Variants in NEXN observed in about 807,000 individuals in gnomAD.
The protein encoded by NEXN is nexilin.
In NEXN, 65 loss-of-function variants were observed where a neutral mutation model predicts 92.6. The observed-to-expected ratio is 0.70, with a 90% CI of 0.57 to 0.86. NEXN has a LOEUF of 0.86. Among genes scored for constraint, NEXN ranks in the 40% least tolerant of loss-of-function variants. The pLI is 0.00. For synonymous variants in NEXN, 254 were observed against 242.5 expected (o/e 1.05, Z -0.44); for missense variants, 778 against 771.1 (o/e 1.01, Z -0.11).
At chr1:77,907,438 G>A (rs1284226380) in intron 1 of NEXN, among the ~76,000 whole-genome samples, 2 of 152,122 alleles carry the variant, frequency 1.3e-5, no homozygotes, top group African/African-American at 2.4e-5. Context: ...TGCACCTTAA[G>A]TGCAATTCCA....
intron 1 of NEXN, among the ~76,000 whole-genome samples, chr1:77,911,739 T>TTATATA (rs34038877): frequency 5.4e-5 from 8 of 148,442 alleles, no homozygotes; most frequent in African/African-American, 1.7e-4. Flanking sequence ...ATAGCCTGTT[T>TTATATA]TATATATATA....
chr1:77,942,651 T>C lies in NEXN; in HGVS notation c.1850T>C (p.Phe617Ser), dbSNP rs1445213406. Residue 617 changes from phenylalanine to serine, a missense_variant, in exon 13 of 13, where the codon TTT becomes TCT. This residue lies in a region of NEXN where 532 missense variants were observed against 476.7 expected (regional missense o/e 1.12). Coordinates refer to ENST00000334785, the MANE Select transcript of NEXN (RefSeq NM_144573.4). Reference protein sequence around the residue: ...GEPKPEITWWFEGEILQDGED... With the variant: ...GEPKPEITWWSEGEILQDGED... Reference sequence around the variant, plus strand: ...CCCAAACCAGAAATTACATGGTGGTTTGAAGGAGAAATACTGCAGGATGGA... The same window carrying C: ...CCCAAACCAGAAATTACATGGTGGTCTGAAGGAGAAATACTGCAGGATGGA... The C allele has an allele frequency of 2.5e-6, 4 of 1,613,758 alleles. No homozygotes were observed. The highest frequency in any genetic ancestry group is 1.3e-5 in the African/African-American group (1 of 74,998).
At chr1:77,921,608 CTAA>C (rs1041534082) in intron 5 of NEXN, among the ~76,000 whole-genome samples, 3 of 152,064 alleles carry the variant, frequency 2.0e-5, no homozygotes, top group Non-Finnish European at 4.4e-5. Flanking sequence ...CCATGCTTGG[CTAA>C]TTTTTTAAAA....
chr1:77,897,497 A>G (rs1208250111), intron 1 of NEXN, among the ~76,000 whole-genome samples: 1 of 152,244 alleles, frequency 6.6e-6, no homozygotes, highest in East Asian at 1.9e-4. Flanking sequence ...TTAGGTATTG[A>G]TGGGATGTAT....
chr1:77,917,456 AT>A lies in NEXN; in HGVS notation c.28-106del, dbSNP rs527395155. 179 of 838,404 alleles carry A rather than the reference AT, an allele frequency of 2.1e-4. No homozygotes were observed. In the African/African-American group the frequency reaches 2.6e-3, roughly 12 times the overall value. The allele number at this position is 838,404 out of a possible 1,614,324, so 51.9% of individuals were successfully genotyped here. A position where few individuals can be genotyped will look rare whatever the true frequency, so the allele number is the denominator to read the frequency against. On this transcript the variant is annotated intron_variant, in intron 2 of 12. Transcript: ENST00000334785. ...AAATAAAGGGTTCAAACACATTTCT[AT>A]TTTCTGTTTCAATAAATATTTTTTA...
chr1:77,919,863 G>A (rs561602271), intron 5 of NEXN, among the ~76,000 whole-genome samples: 2 of 150,880 alleles, frequency 1.3e-5, no homozygotes, highest in East Asian at 3.9e-4. Flanking sequence ...GCATCCCAAA[G>A]TGCTGGGATT....
chr1:77,923,866 C>T (rs995845189), intron 5 of NEXN, among the ~76,000 whole-genome samples: 2 of 151,534 alleles, frequency 1.3e-5, no homozygotes, highest in African/African-American at 4.8e-5. Context: ...TTAGTAGAGA[C>T]GGGGTTTCAC....
In NEXN at chr1:77,894,113, C is replaced by T. The variant is rs143312084; in HGVS notation, c.-53+5354C>T. On this transcript the variant is annotated intron_variant, in intron 1 of 12. Transcript: ENST00000334785. ...TGCTAGGGTTACAAGCATGCGCCAC[C>T]GCACCTGGCCTTTTTGTATTTTTAG... 1.3e-3 allele frequency among the ~76,000 whole-genome samples: 205 copies of T among 152,062 alleles called. 1 individual carries two copies. The highest frequency in any genetic ancestry group is 2.5e-3 in the Non-Finnish European group (173 of 67,978).
intron 11 of NEXN, among the ~76,000 whole-genome samples, chr1:77,939,371 G>C (rs940821551): frequency 6.6e-6 from 1 of 152,178 alleles, no homozygotes; most frequent in African/African-American, 2.4e-5. Flanking sequence ...GACAGCACTG[G>C]AAAGTACAAG....
chr1:77,940,298 C>T (rs1465802707), intron 11 of NEXN, among the ~76,000 whole-genome samples: 5 of 152,112 alleles, frequency 3.3e-5, no homozygotes, highest in African/African-American at 1.2e-4. Flanking sequence ...AAATACACTG[C>T]CTAACTGCTG....
intron 9 of NEXN, among the ~76,000 whole-genome samples, chr1:77,931,431 A>G (rs1479263899): frequency 1.3e-5 from 2 of 149,480 alleles, no homozygotes; most frequent in East Asian, 3.9e-4. Flanking sequence ...AAAAAAAAAA[A>G]AAAAAAAAAA....
intron 5 of NEXN, among the ~76,000 whole-genome samples, chr1:77,920,488 A>C (rs1382506953): frequency 6.6e-6 from 1 of 151,720 alleles, no homozygotes; most frequent in Non-Finnish European, 1.5e-5. Context: ...GGACATGGTG[A>C]CTCATGCCTG....
Position 77,942,033 on chromosome 1 carries a change from TTGA to T in NEXN, c.1487_1489del (p.Asp496del), listed in dbSNP as rs1309122658. On this transcript the variant is annotated inframe_deletion, in exon 12 of 13. Transcript: ENST00000334785. ...CCCACTTTCTTGCAGGAAGATGATGTTGATGTTAGGCCTGCAAGAAAAAGCGAG... is the reference window on the plus strand; with the variant it reads ...CCCACTTTCTTGCAGGAAGATGATGTTGTTAGGCCTGCAAGAAAAAGCGAG... The T allele has an allele frequency of 6.2e-7, 1 of 1,612,842 alleles. No individual in the cohort carries two copies. The highest frequency in any genetic ancestry group is 8.5e-7 in the Non-Finnish European group (1 of 1,179,228).
intron 5 of NEXN, among the ~76,000 whole-genome samples, chr1:77,921,603 C>T (rs1354504063): frequency 6.6e-6 from 1 of 152,010 alleles, no homozygotes; most frequent in African/African-American, 2.4e-5. Flanking sequence ...TGCCACCATG[C>T]TTGGCTAATT....
chr1:77,909,937 A>T (rs958432780), intron 1 of NEXN, among the ~76,000 whole-genome samples: 10 of 152,240 alleles, frequency 6.6e-5, no homozygotes, highest in African/African-American at 2.4e-4. Context: ...ATAAATACAG[A>T]TACAAAACTT....
At chr1:77,925,428 A>G (rs1369213839) in intron 6 of NEXN, among the ~76,000 whole-genome samples, 199 bp downstream of exon 6, 1 of 152,210 alleles carries the variant, frequency 6.6e-6, no homozygotes. Context: ...AAAGAAAAGT[A>G]TGTTTTGCTT....
At position 77,926,864 on chromosome 1, in the gene NEXN, G is replaced by A. The variant is rs750349053; in HGVS notation, c.836G>A (p.Arg279His). The stretch of plus-strand genomic sequence containing the variant: ...AGAAAACGTTTAGAAGAAGAGAAGC[G>A]TGCTTTTGAAGAAGCAAGGCGGCAA... Reference protein sequence around the residue: ...EARKRLEEEKRAFEEARRQMV... With the variant: ...EARKRLEEEKHAFEEARRQMV... Residue 279 changes from arginine to histidine, a missense_variant, in exon 8 of 13, where the codon CGT (arginine) becomes CAT (histidine). Physicochemically the swap from Arg to His is conservative, Grantham distance 29 (BLOSUM62 0). Coordinates refer to ENST00000334785, the MANE Select transcript of NEXN (RefSeq NM_144573.4). 1.5e-5 allele frequency: 25 copies of A among 1,613,598 alleles called. No homozygotes were observed. Among genetic ancestry groups the A allele is most frequent in the Middle Eastern group, 1.6e-4 (1 of 6,080 alleles).
At position 77,918,280 on chromosome 1, in the gene NEXN, C is replaced by T; in HGVS notation, c.447+7C>T. 1 of 1,613,748 alleles carries T rather than the reference C, an allele frequency of 6.2e-7. No homozygotes were observed. Among genetic ancestry groups the T allele is most frequent in the Non-Finnish European group, 8.5e-7 (1 of 1,179,720 alleles). ...AGCAAAAAGGGCTGAACAGGTATCACTGAAGATTAAGTTCGTATTTGTTTC... is the reference window on the plus strand; with the variant it reads ...AGCAAAAAGGGCTGAACAGGTATCATTGAAGATTAAGTTCGTATTTGTTTC... On this transcript the variant is annotated splice_region_variant and intron_variant, in intron 5 of 12. Transcript: ENST00000334785.
rs1650725770 is a variant in NEXN, at chr1:77,935,974, A to T, written c.1403A>T (p.Glu468Val). ...LSEKEIQKKIEEERARRRAID... is the reference protein window; with the variant it reads ...LSEKEIQKKIVEERARRRAID... ...GAAAAAGAAATACAGAAAAAAATAG[A>T]AGAAGAGCGAGCAAGAAGGAGAGCA... is the stretch of plus-strand genomic sequence containing the variant. Residue 468 changes from glutamate (E) to valine (V), a missense_variant, in exon 11 of 13, where the codon GAA becomes GTA. Physicochemically the swap from Glu to Val is moderately radical, Grantham distance 121. This residue lies in a region of NEXN where 532 missense variants were observed against 476.7 expected (regional missense o/e 1.12). Coordinates refer to ENST00000334785, the MANE Select transcript of NEXN (RefSeq NM_144573.4). The T allele has an allele frequency of 6.2e-7, 1 of 1,613,538 alleles. No homozygotes were observed. The highest frequency in any genetic ancestry group is 8.5e-7 in the Non-Finnish European group (1 of 1,179,770).
Sources: allele counts gnomAD v4.1 joint callset (sites outside exome capture counted in the v4.1 genomes callset), GRCh38; gene constraint gnomAD v4.1.1; regional missense constraint gnomAD v4.1.1; transcripts MANE v1.5; gene names NCBI Gene and HGNC (gene_info 2026-07-23, HGNC 2026-07-21).